Variants in ENAM observed in about 807,000 individuals in gnomAD.
The protein encoded by ENAM is enamelin.
Under a neutral mutation model 33.6 loss-of-function variants are expected in ENAM, and 21 were observed. The ratio of observed to expected loss-of-function variants is 0.63; its 90% CI spans 0.44 to 0.90. ENAM has a LOEUF of 0.90. Among genes scored for constraint, ENAM ranks in the 40% least tolerant of loss-of-function variants. The probability of loss-of-function intolerance (pLI) is 0.00; values close to 1 mark genes in which losing one functional copy is unlikely to be tolerated. For synonymous variants in ENAM, 473 were observed against 468.4 expected, an observed-to-expected ratio of 1.01 and a Z score of -0.13; for missense variants, 1,388 against 1,366.9, an observed-to-expected ratio of 1.02 and a Z score of -0.24.
At position 70,644,674 on chromosome 4, in the gene ENAM, A is replaced by T; in HGVS notation, c.3248A>T (p.Asp1083Val). 6.2e-7 allele frequency: 1 copy of T among 1,614,158 alleles called. No individual in the cohort carries two copies. Among genetic ancestry groups the T allele is most frequent in the Non-Finnish European group, 8.5e-7 (1 of 1,180,012 alleles). The change falls in exon 9 of 9, where the codon GAT (aspartate) becomes GTT (valine). Residue 1083 changes from aspartate (D) to valine (V), a missense_variant. Asp to Val is a radical substitution (Grantham distance 152, BLOSUM62 -3). Coordinates refer to ENST00000396073, the MANE Select transcript of ENAM (RefSeq NM_031889.3). Reference sequence around the variant, plus strand: ...AGCGATGGAAGGCAAAGCCCATTTGATGGGGATTCAATTACGCCTACTGAA... The same window carrying T: ...AGCGATGGAAGGCAAAGCCCATTTGTTGGGGATTCAATTACGCCTACTGAA... ...PSSDGRQSPF[D>V]GDSITPTENP... is the part of the protein sequence containing the mutation.
At position 70,642,607 on chromosome 4, in the gene ENAM, A is replaced by T. The variant is rs142747446; in HGVS notation, c.1181A>T (p.Tyr394Phe). ...ACTTCAAGAGGCAATTATCCCAATTATGCAGGAAATCCAGCAAATCTCAGA... is the reference window on the plus strand; with the variant it reads ...ACTTCAAGAGGCAATTATCCCAATTTTGCAGGAAATCCAGCAAATCTCAGA... ...PPTSRGNYPN[Y>F]AGNPANLRRK... The change falls in exon 9 of 9, where the codon TAT becomes TTT. Residue 394 changes from tyrosine (Y) to phenylalanine (F), a missense_variant. By Grantham distance (22) the Tyr-to-Phe change is conservative. Transcript: ENST00000396073. 2.2e-3 allele frequency: 3,581 copies of T among 1,614,090 alleles called. 6 individuals are homozygous for T. Among genetic ancestry groups the T allele is most frequent in the Non-Finnish European group, 2.7e-3 (3,213 of 1,179,966 alleles).
intron 8 of ENAM, among the ~76,000 whole-genome samples, chr4:70,638,578 A>T (rs565752770): frequency 6.7e-6 from 1 of 149,762 alleles, no homozygotes; most frequent in South Asian, 2.1e-4. Context: ...TATCTCAAAC[A>T]AAAGAGAGGT....
At chr4:70,632,892 C>T (rs528522613) in intron 5 of ENAM, among the ~76,000 whole-genome samples, 200 bp downstream of exon 5, 3 of 152,138 alleles carry the variant, frequency 2.0e-5, no homozygotes, top group African/African-American at 7.2e-5. Context: ...ATTGTTCTTT[C>T]ATGTAAATCA....
At chr4:70,629,764 A>G (rs942834323) in intron 2 of ENAM, among the ~76,000 whole-genome samples, 2 of 152,164 alleles carry the variant, frequency 1.3e-5, no homozygotes, top group African/African-American at 4.8e-5. Context: ...AAAAATAACT[A>G]ATTATAGACT....
At position 70,644,778 on chromosome 4, in the gene ENAM, C is replaced by T. The variant is rs754289566; in HGVS notation, c.3352C>T (p.His1118Tyr). Residue 1118 changes from histidine to tyrosine, a missense_variant, in exon 9 of 9, where the codon CAC becomes TAC. Coordinates refer to ENST00000396073, the MANE Select transcript of ENAM (RefSeq NM_031889.3). ...TGTAGACCCACTTGATGCAGATGAA[C>T]ACAGTCCATTTGAATTCCTTCAAAG... ...INVDPLDADE[H>Y]SPFEFLQRGT... 2.5e-6 allele frequency: 4 copies of T among 1,614,064 alleles called. No homozygotes were observed. In the South Asian group the frequency reaches 4.4e-5, roughly 18 times the overall value.
At chr4:70,631,113 A>C (rs1265397039) in intron 2 of ENAM, among the ~76,000 whole-genome samples, 1 of 152,186 alleles carries the variant, frequency 6.6e-6, no homozygotes, top group Admixed American at 6.5e-5. Flanking sequence ...AAACCAGGAA[A>C]AAAATAAGAT....
In ENAM at chr4:70,628,842, C is replaced by T. The variant is rs1738239353; in HGVS notation, c.-183C>T. The T allele has an allele frequency of 6.6e-6, 1 of 152,008 alleles. No individual in the cohort carries two copies. Among genetic ancestry groups the T allele is most frequent in the African/African-American group, 2.4e-5 (1 of 41,392 alleles). 9.4% of individuals were successfully genotyped at this position (152,008 alleles called of 1,614,324 possible). A position where few individuals can be genotyped will look rare whatever the true frequency, so the allele number is the denominator to read the frequency against. On this transcript the variant is annotated 5_prime_UTR_variant, in exon 1 of 9. Transcript: ENST00000396073. ...AAATGTATCTTGCTTCTTGAGATCT[C>T]CCTGGCTTCAGCAATTTGTAGTTAT...
In ENAM at chr4:70,643,916, CT is replaced by C. The variant is rs1560405415; in HGVS notation, c.2491del (p.Tyr831MetfsTer5). On this transcript the variant is annotated frameshift_variant, in exon 9 of 9. Transcript: ENST00000396073. LOFTEE classifies it low-confidence loss of function (END_TRUNC). ...TATGGCATGAAGGTGAGAATTTGAACTATGGCATGCAAATAACTAGGATGAA... is the reference window on the plus strand; with the variant it reads ...TATGGCATGAAGGTGAGAATTTGAACATGGCATGCAAATAACTAGGATGAA... ...PIWHEGENLN[Y>X]GMQITRMNSP... The C allele has an allele frequency of 6.2e-7, 1 of 1,614,132 alleles. No individual in the cohort carries two copies. Among genetic ancestry groups the C allele is most frequent in the East Asian group, 2.2e-5 (1 of 44,886 alleles).
At chr4:70,636,068 T>C (rs1738446058) in intron 7 of ENAM, among the ~76,000 whole-genome samples, 174 bp downstream of exon 7, 1 of 152,074 alleles carries the variant, frequency 6.6e-6, no homozygotes, top group Admixed American at 6.5e-5. Flanking sequence ...TTTTTGAATT[T>C]CATACTCAGA....
intron 4 of ENAM, 137 bp downstream of exon 4, chr4:70,632,030 T>C: frequency 1.2e-6 from 1 of 844,764 alleles, no homozygotes; most frequent in Non-Finnish European, 2.0e-6. Context: ...TTTGAAAGTC[T>C]TAAACTCTCA....
intron 5 of ENAM, among the ~76,000 whole-genome samples, chr4:70,633,256 C>G (rs1738370836): frequency 6.6e-6 from 1 of 152,080 alleles, no homozygotes; most frequent in South Asian, 2.1e-4. Flanking sequence ...ATGGAATGAT[C>G]ATGAGGGCCA....
chr4:70,634,188 TAAGTC>T (rs1476279510), intron 5 of ENAM, 115 bp from the exon 6 acceptor site: 8 of 939,360 alleles, frequency 8.5e-6, no homozygotes, highest in Non-Finnish European at 1.2e-5. Context: ...CTTCCATAGT[TAAGTC>T]AAGTTCCAGG....
rs554151732 is a variant in ENAM, at chr4:70,629,444, C to A, written c.-57C>A. 8 of 1,245,240 alleles carry A rather than the reference C, an allele frequency of 6.4e-6. No individual in the cohort carries two copies. The East Asian group carries it at 1.6e-4, about 25-fold the overall frequency. The allele number at this position is 1,245,240 out of a possible 1,614,324, so 77.1% of individuals were successfully genotyped here. ...TTGTTCCATTTCTATATTTTAGTTT[C>A]TTCTCAGGTTAAAGCTGTATTTTTC... is the stretch of plus-strand genomic sequence containing the variant. On this transcript the variant is annotated 5_prime_UTR_variant, in exon 2 of 9. Coordinates refer to ENST00000396073, the MANE Select transcript of ENAM (RefSeq NM_031889.3).
At chr4:70,636,788 C>A (rs1331370234) in intron 7 of ENAM, among the ~76,000 whole-genome samples, 2 of 151,366 alleles carry the variant, frequency 1.3e-5, no homozygotes, top group African/African-American at 2.4e-5. Context: ...AAAAAGAGAT[C>A]TTGCAAAATA....
Position 70,646,074 on chromosome 4 carries a change from T to A in ENAM, c.*1219T>A, listed in dbSNP as rs953865684. 1 of 151,122 alleles carries A rather than the reference T, an allele frequency of 6.6e-6. No individual in the cohort carries two copies. The highest frequency in any genetic ancestry group is 1.5e-5 in the Non-Finnish European group (1 of 67,890). The allele number at this position is 151,122 out of a possible 1,614,324, so 9.4% of individuals were successfully genotyped here. On this transcript the variant is annotated 3_prime_UTR_variant, in exon 9 of 9. Transcript: ENST00000396073. ...ATGTTTAGTTGTTTTTTTTTTTTTT[T>A]ACTAGTTCAGCATAAGGGATTCTAC...
At chr4:70,640,034 A>C (rs769313161) in intron 8 of ENAM, among the ~76,000 whole-genome samples, 37 of 152,228 alleles carry the variant, frequency 2.4e-4, no homozygotes, top group Non-Finnish European at 4.1e-4. Flanking sequence ...TTTGTTTTAA[A>C]AAGAAAAATC....
rs746063485 is a variant in ENAM at position 70,643,610 on chromosome 4, T to C, written c.2184T>C (p.Phe728=). ...EFYPWSPDEN[F]PSYNTASTMP... ...ACCCATGGAGCCCGGATGAGAATTT[T>C]CCATCATATAATACAGCTTCTACTA... is the stretch of plus-strand genomic sequence containing the variant. The change falls in exon 9 of 9, where the codon TTT becomes TTC. Residue 728 remains phenylalanine (F), a synonymous_variant. Transcript: ENST00000396073. The C allele has an allele frequency of 4.3e-6, 7 of 1,613,970 alleles. No homozygotes were observed. Among genetic ancestry groups the C allele is most frequent in the Admixed American group, 1.7e-5 (1 of 59,990 alleles).
chr4:70,631,666 C>T lies in ENAM; in HGVS notation c.55-4C>T. 1 of 1,605,592 alleles carries T rather than the reference C, an allele frequency of 6.2e-7. No homozygotes were observed. Among genetic ancestry groups the T allele is most frequent in the South Asian group, 1.1e-5 (1 of 90,894 alleles). ...CAAAAATAAAAATCAATTTTTTATT[C>T]TAGGTACCAAAAGGCAAAATGAAGA... On this transcript the variant is annotated splice_region_variant and splice_polypyrimidine_tract_variant and intron_variant, in intron 2 of 8. Coordinates refer to ENST00000396073, the MANE Select transcript of ENAM (RefSeq NM_031889.3).
chr4:70,634,286 C>T, intron 5 of ENAM, 22 bp from the exon 6 acceptor site: 2 of 1,612,670 alleles, frequency 1.2e-6, no homozygotes, highest in East Asian at 2.2e-5. Flanking sequence ...TATGATTTCA[C>T]TATTATTTGC....
Sources: gnomAD v4.1 joint callset for allele counts (sites outside exome capture counted in the v4.1 genomes callset) on GRCh38, gnomAD v4.1.1 for gene constraint, MANE v1.5 for transcripts, NCBI Gene and HGNC (gene_info 2026-07-23, HGNC 2026-07-21) for gene names.